Variants in KCNQ5 observed in about 807,000 individuals in gnomAD.
KCNQ5 encodes the protein potassium voltage-gated channel subfamily KQT member 5.
KCNQ5 carries 30 observed loss-of-function variants against 98.2 expected under a neutral mutation model. The observed-to-expected ratio is 0.31, with a 90% CI of 0.23 to 0.41. The LOEUF is 0.41. KCNQ5 is among the 10% of genes least tolerant of loss of function. The probability of loss-of-function intolerance (pLI) is 1.00; values close to 1 mark genes in which losing one functional copy is unlikely to be tolerated. For synonymous variants in KCNQ5, 458 were observed against 449.4 expected (o/e 1.02, Z -0.24); for missense variants, 835 against 1,182.5 (o/e 0.71, Z 4.31).
chr6:72,635,857 A>G (rs1198895188), intron 1 of KCNQ5, among the ~76,000 whole-genome samples: 1 of 151,806 alleles, frequency 6.6e-6, no homozygotes, highest in East Asian at 1.9e-4. Flanking sequence ...CTGGGTACCT[A>G]ATTTACATAT....
chr6:73,091,868 A>G (rs2150405732), intron 5 of KCNQ5, among the ~76,000 whole-genome samples: 1 of 152,256 alleles, frequency 6.6e-6, no homozygotes, highest in African/African-American at 2.4e-5. Flanking sequence ...TCTGTGAAGA[A>G]TGATGGTGGT....
intron 1 of KCNQ5, among the ~76,000 whole-genome samples, chr6:72,774,845 G>T (rs9446752): frequency 0.54 from 82,128 of 151,972 alleles, 22,612 homozygotes; most frequent in Middle Eastern, 0.62. Flanking sequence ...CAAGGATGCA[G>T]AACAAATGGG....
chr6:72,667,058 TA>T (rs745619544), intron 1 of KCNQ5, among the ~76,000 whole-genome samples: 5 of 152,236 alleles, frequency 3.3e-5, no homozygotes, highest in South Asian at 2.1e-4. Context: ...ATAAATGAAA[TA>T]TTTTTTTTTT....
chr6:72,732,123 G>A (rs1770585616), intron 1 of KCNQ5, among the ~76,000 whole-genome samples: 1 of 152,046 alleles, frequency 6.6e-6, no homozygotes, highest in Admixed American at 6.6e-5. Context: ...AAGTACAGTT[G>A]GTACAGGGGT....
chr6:73,099,208 C>T (rs144372681), intron 5 of KCNQ5, among the ~76,000 whole-genome samples: 20 of 151,944 alleles, frequency 1.3e-4, no homozygotes, highest in Middle Eastern at 3.4e-3. Flanking sequence ...GAGAAAATCA[C>T]TTTCAATGAA....
chr6:72,688,109 T>G (rs1768046572), intron 1 of KCNQ5, among the ~76,000 whole-genome samples: 1 of 152,216 alleles, frequency 6.6e-6, no homozygotes. Context: ...TACTGATCAC[T>G]TTTTAAAGTG....
At chr6:72,833,652 T>A (rs183450356) in intron 1 of KCNQ5, among the ~76,000 whole-genome samples, 213 of 152,270 alleles carry the variant, frequency 1.4e-3, no homozygotes, top group African/African-American at 4.9e-3. Context: ...CAAAGAAATT[T>A]TGCTTCTTCT....
intron 11 of KCNQ5, among the ~76,000 whole-genome samples, chr6:73,179,834 C>T (rs1778343186): frequency 6.6e-6 from 1 of 152,178 alleles, no homozygotes; most frequent in African/African-American, 2.4e-5. Flanking sequence ...CCTGGGCTTC[C>T]CACCACCTTG....
intron 1 of KCNQ5, among the ~76,000 whole-genome samples, chr6:72,804,298 C>T (rs773817311): frequency 6.6e-6 from 1 of 152,008 alleles, no homozygotes; most frequent in African/African-American, 2.4e-5. Context: ...TACCCATTAA[C>T]CATCCCCACT....
chr6:73,025,547 C>T (rs921212614), intron 2 of KCNQ5, among the ~76,000 whole-genome samples: 3 of 145,674 alleles, frequency 2.1e-5, no homozygotes, highest in Admixed American at 1.4e-4. Flanking sequence ...TCACTTGAGC[C>T]GGGAGGCAAA....
At chr6:72,806,534 C>CA (rs1192985699) in intron 1 of KCNQ5, among the ~76,000 whole-genome samples, 1 of 152,076 alleles carries the variant, frequency 6.6e-6, no homozygotes, top group African/African-American at 2.4e-5. Context: ...CCTGAAGAGA[C>CA]AAAAAATAGC....
intron 1 of KCNQ5, among the ~76,000 whole-genome samples, chr6:72,846,590 G>T (rs1777032240): frequency 6.6e-6 from 1 of 152,028 alleles, no homozygotes; most frequent in Non-Finnish European, 1.5e-5. Flanking sequence ...GAGGCAGAAG[G>T]GTCACTTGAG....
At chr6:72,902,944 G>T (rs2150196414) in intron 1 of KCNQ5, among the ~76,000 whole-genome samples, 1 of 152,198 alleles carries the variant, frequency 6.6e-6, no homozygotes, top group East Asian at 1.9e-4. Context: ...GTAGAAATCT[G>T]CTGTGAATCC....
At chr6:72,705,926 TTG>T (rs1317563003) in intron 1 of KCNQ5, among the ~76,000 whole-genome samples, 1 of 151,698 alleles carries the variant, frequency 6.6e-6, no homozygotes, top group African/African-American at 2.4e-5. Context: ...GAAATGAGAT[TTG>T]TGTGTGTGTG....
intron 1 of KCNQ5, among the ~76,000 whole-genome samples, chr6:72,775,319 T>C (rs1773108587): frequency 6.6e-6 from 1 of 152,230 alleles, no homozygotes; most frequent in Admixed American, 6.5e-5. Flanking sequence ...TTTGTCCCTT[T>C]CCCTGCTTTA....
At chr6:72,659,370 C>T (rs1384136134) in intron 1 of KCNQ5, among the ~76,000 whole-genome samples, 1 of 152,180 alleles carries the variant, frequency 6.6e-6, no homozygotes, top group Non-Finnish European at 1.5e-5. Context: ...TCTAGCCACT[C>T]AGACAAAAAC....
At chr6:72,779,246 T>C (rs1426038841) in intron 1 of KCNQ5, among the ~76,000 whole-genome samples, 2 of 152,122 alleles carry the variant, frequency 1.3e-5, no homozygotes, top group Admixed American at 1.3e-4. Context: ...GGCAGAGTCC[T>C]GGAGGAAGAA....
At chr6:72,682,342 G>GT (rs2154473856) in intron 1 of KCNQ5, among the ~76,000 whole-genome samples, 1 of 152,272 alleles carries the variant, frequency 6.6e-6, no homozygotes, top group African/African-American at 2.4e-5. Context: ...ACCCTTAAAG[G>GT]TGTTTGTTTC....
At chr6:72,701,728 T>A (rs1053314311) in intron 1 of KCNQ5, among the ~76,000 whole-genome samples, 3 of 152,066 alleles carry the variant, frequency 2.0e-5, no homozygotes, top group African/African-American at 7.2e-5. Flanking sequence ...TATTTTTAAT[T>A]TTTTGAGACA....
Sources: gnomAD v4.1 joint callset for allele counts (sites outside exome capture counted in the v4.1 genomes callset) on GRCh38, gnomAD v4.1.1 for gene constraint, MANE v1.5 for transcripts, NCBI Gene and HGNC (gene_info 2026-07-23, HGNC 2026-07-21) for gene names.